Variants in PAN3 observed in about 807,000 individuals in gnomAD.
The protein encoded by PAN3 is poly(A) specific ribonuclease subunit PAN3.
In PAN3, 19 loss-of-function variants were observed where a neutral mutation model predicts 96.2. The ratio of observed to expected loss-of-function variants is 0.20; its 90% CI spans 0.14 to 0.29. The LOEUF (loss-of-function observed/expected upper bound fraction) is 0.29. Among genes scored for constraint, PAN3 ranks in the 10% least tolerant of loss-of-function variants. The probability of loss-of-function intolerance (pLI) is 1.00; values close to 1 mark genes in which losing one functional copy is unlikely to be tolerated. For missense variants in PAN3, 882 were observed against 1,108.1 expected (o/e 0.80, Z 2.90); for synonymous variants, 433 against 406.6 (o/e 1.06, Z -0.78).
At chr13:28,144,211 GTTTTTTTTT>G (rs972669575) in intron 1 of PAN3, among the ~76,000 whole-genome samples, 266 of 101,560 alleles carry the variant, frequency 2.6e-3, no homozygotes, top group African/African-American at 8.9e-3. Flanking sequence ...AAGTTTTTTT[GTTTTTTTTT>G]TTTTTTTTTT....
intron 12 of PAN3, 65 bp from the exon 13 acceptor site, chr13:28,270,636 G>A: frequency 6.6e-7 from 1 of 1,521,098 alleles, no homozygotes; most frequent in Non-Finnish European, 9.0e-7. Context: ...TAATTTTGAT[G>A]TTAATGCTTT....
At chr13:28,251,468 G>T (rs753014312) in intron 6 of PAN3, among the ~76,000 whole-genome samples, 1 of 152,216 alleles carries the variant, frequency 6.6e-6, no homozygotes, top group African/African-American at 2.4e-5. Flanking sequence ...CGAGTATTGT[G>T]TTGATTTCTT....
chr13:28,172,317 G>A (rs1055275515), intron 1 of PAN3, among the ~76,000 whole-genome samples: 2 of 152,062 alleles, frequency 1.3e-5, no homozygotes, highest in Admixed American at 6.6e-5. Flanking sequence ...TTAGCCGGGC[G>A]TAGTGGTGGG....
chr13:28,219,671 T>C (rs1292939690), intron 5 of PAN3, among the ~76,000 whole-genome samples: 1 of 152,266 alleles, frequency 6.6e-6, no homozygotes, highest in Non-Finnish European at 1.5e-5. Flanking sequence ...CGCATGGTAC[T>C]GCATGGGCAT....
At chr13:28,284,402 G>A (rs1269891778) in intron 17 of PAN3, among the ~76,000 whole-genome samples, 2 of 137,308 alleles carry the variant, frequency 1.5e-5, no homozygotes, top group African/African-American at 5.6e-5. Flanking sequence ...TTTTTTGACT[G>A]CTCATTCCCC....
rs114476912 is a variant in PAN3 at position 28,203,476 on chromosome 13, C to G, written c.852+6130C>G. On this transcript the variant is annotated intron_variant, in intron 5 of 18. Coordinates refer to ENST00000380958, the MANE Select transcript of PAN3 (RefSeq NM_175854.8). ...GTGCAACTGTGCCCAGCTAGGTTTT[C>G]TTTGTATTTTTTTGTAGAGACAGGG... Among the ~76,000 whole-genome samples, 1,040 of 151,880 alleles carry G rather than the reference C, an allele frequency of 6.8e-3. 11 individuals carry two copies. The highest frequency in any genetic ancestry group is 0.024 in the African/African-American group (1,005 of 41,446).
chr13:28,264,062 A>G (rs931898440), intron 9 of PAN3, among the ~76,000 whole-genome samples: 1 of 152,200 alleles, frequency 6.6e-6, no homozygotes, highest in African/African-American at 2.4e-5. Context: ...TGCAGTGAAC[A>G]TATTCATCTA....
chr13:28,236,870 C>T (rs921385259), intron 6 of PAN3, among the ~76,000 whole-genome samples: 3 of 152,032 alleles, frequency 2.0e-5, no homozygotes, highest in African/African-American at 7.2e-5. Flanking sequence ...CTTCCCAAAG[C>T]GTTTTGTTTT....
chr13:28,173,143 G>T (rs1489598186), intron 1 of PAN3, among the ~76,000 whole-genome samples: 1 of 152,186 alleles, frequency 6.6e-6, no homozygotes, highest in East Asian at 1.9e-4. Context: ...TTAATTTATA[G>T]CTACTTACGG....
intron 1 of PAN3, among the ~76,000 whole-genome samples, chr13:28,141,013 T>C (rs962992010): frequency 6.7e-6 from 1 of 148,606 alleles, no homozygotes; most frequent in Non-Finnish European, 1.5e-5. Context: ...CTTTTTTTTT[T>C]TTTTTTTTTG....
intron 2 of PAN3, among the ~76,000 whole-genome samples, chr13:28,175,209 A>G (rs1484904919): frequency 2.6e-5 from 4 of 152,184 alleles, no homozygotes; most frequent in African/African-American, 7.2e-5. Flanking sequence ...TTACAATAGG[A>G]TATTTAAACA....
chr13:28,287,418 G>A (rs557846922), intron 17 of PAN3, among the ~76,000 whole-genome samples: 2 of 152,124 alleles, frequency 1.3e-5, no homozygotes, highest in Non-Finnish European at 2.9e-5. Flanking sequence ...CCTTTTAGGA[G>A]CATTATGTAA....
chr13:28,202,048 T>A (rs1878768216), intron 5 of PAN3, among the ~76,000 whole-genome samples: 1 of 151,508 alleles, frequency 6.6e-6, no homozygotes, highest in Non-Finnish European at 1.5e-5. Context: ...TCATTCTACC[T>A]CTTATTTTTT....
chr13:28,277,494 TTA>T (rs1490256597), intron 15 of PAN3, 118 bp downstream of exon 15: 17 of 983,286 alleles, frequency 1.7e-5, no homozygotes, highest in Admixed American at 6.2e-5. Context: ...AACAGAAACT[TTA>T]TGTCTTTATT....
At chr13:28,235,642 G>C (rs1286256308) in intron 6 of PAN3, among the ~76,000 whole-genome samples, 1 of 150,860 alleles carries the variant, frequency 6.6e-6, no homozygotes, top group Non-Finnish European at 1.5e-5. Context: ...AGTGTGTTGA[G>C]TATCTCATAA....
At chr13:28,212,083 A>G (rs961341) in intron 5 of PAN3, among the ~76,000 whole-genome samples, 18,127 of 152,222 alleles carry the variant, frequency 0.12, 1,239 homozygotes, top group East Asian at 0.33. Context: ...GCTGATGTGA[A>G]TTCAGGATGT....
intron 1 of PAN3, among the ~76,000 whole-genome samples, chr13:28,146,994 AAAAG>A (rs1870744840): frequency 6.6e-6 from 1 of 152,080 alleles, no homozygotes; most frequent in African/African-American, 2.4e-5. Context: ...AAAAAAAAGG[AAAAG>A]AAAAAAATAG....
intron 1 of PAN3, among the ~76,000 whole-genome samples, chr13:28,168,986 A>T (rs1873934830): frequency 1.3e-5 from 2 of 151,840 alleles, no homozygotes; most frequent in South Asian, 4.2e-4. Flanking sequence ...CCACTACTCC[A>T]GCCTGGGCGA....
Position 28,162,732 on chromosome 13 carries a change from A to G in PAN3, c.431-11540A>G, listed in dbSNP as rs183914950. On this transcript the variant is annotated intron_variant, in intron 1 of 18. Transcript: ENST00000380958. ...AGTAACTCATGCCTGTAGTCCCAGT[A>G]CTTTGAGGGGCCAAGGAGGGAGGAT... Among the ~76,000 whole-genome samples the G allele has an allele frequency of 1.6e-4, 25 of 151,814 alleles. No homozygotes were observed. In the East Asian group the frequency reaches 4.1e-3, roughly 25 times the overall value.
Sources: gnomAD v4.1 joint callset for allele counts (sites outside exome capture counted in the v4.1 genomes callset) on GRCh38, gnomAD v4.1.1 for gene constraint, MANE v1.5 for transcripts, NCBI Gene and HGNC (gene_info 2026-07-23, HGNC 2026-07-21) for gene names.